Variants in CACHD1 observed in about 807,000 individuals in gnomAD.
CACHD1 encodes the protein cache domain containing 1, also known as VWFA and cache domain-containing protein 1.
Under a neutral mutation model 138.7 loss-of-function variants are expected in CACHD1, and 71 were observed. The observed-to-expected ratio is 0.51, with a 90% CI of 0.42 to 0.62. The LOEUF is 0.62. Ranked by LOEUF, CACHD1 falls within the 20% of genes least tolerant of loss-of-function variation. The pLI is 0.00. For missense variants in CACHD1, 1,389 were observed against 1,625.3 expected, an observed-to-expected ratio of 0.85 and a Z score of 2.50; for synonymous variants, 578 against 591.5, an observed-to-expected ratio of 0.98 and a Z score of 0.33.
rs572660706 is a variant in CACHD1, at chr1:64,553,013, C to A, written c.261+2357C>A. 2.6e-5 allele frequency among the ~76,000 whole-genome samples: 4 copies of A among 151,912 alleles called. No homozygotes were observed. The South Asian group carries it at 8.3e-4, about 32-fold the overall frequency. Reference sequence around the variant, plus strand: ...CTCCACTCCATCCTCTGGAAGAACACTTAACAAATAGATCTGTGTCTGTTG... The same window carrying A: ...CTCCACTCCATCCTCTGGAAGAACAATTAACAAATAGATCTGTGTCTGTTG... On this transcript the variant is annotated intron_variant, in intron 2 of 26. Transcript: ENST00000651257.
chr1:64,608,614 C>T (rs1019258593), intron 4 of CACHD1, among the ~76,000 whole-genome samples: 3 of 152,218 alleles, frequency 2.0e-5, no homozygotes, highest in Non-Finnish European at 4.4e-5. Context: ...TTAAAACCAC[C>T]CCAGCCAGAT....
At chr1:64,475,997 GC>G (rs1045335121) in intron 1 of CACHD1, among the ~76,000 whole-genome samples, 4 of 152,196 alleles carry the variant, frequency 2.6e-5, no homozygotes, top group African/African-American at 9.7e-5. Flanking sequence ...TATTATGGGA[GC>G]ATAGAGGAGC....
At chr1:64,510,754 G>A (rs1441105610) in intron 1 of CACHD1, among the ~76,000 whole-genome samples, 2 of 152,118 alleles carry the variant, frequency 1.3e-5, no homozygotes, top group Admixed American at 6.5e-5. Flanking sequence ...TGGGTCACTG[G>A]GACAAAGATT....
At chr1:64,650,747 T>A (rs549775275) in intron 9 of CACHD1, among the ~76,000 whole-genome samples, 1 of 152,340 alleles carries the variant, frequency 6.6e-6, no homozygotes, top group South Asian at 2.1e-4. Flanking sequence ...TGGGGGTTTC[T>A]AGAAGAATGG....
At position 64,634,037 on chromosome 1, in the gene CACHD1, C is replaced by A; in HGVS notation, c.790-7C>A. On this transcript the variant is annotated splice_polypyrimidine_tract_variant and splice_region_variant and intron_variant, in intron 6 of 26. Coordinates refer to ENST00000651257, the MANE Select transcript of CACHD1 (RefSeq NM_020925.4). ...TTGGTGGTTTTTTTTTTTTTTCTTT[C>A]CTGCAGATTTCTGTGTTAACTGTGG... The A allele has an allele frequency of 7.2e-7, 1 of 1,387,482 alleles. No individual in the cohort carries two copies. 85.9% of individuals were successfully genotyped at this position (1,387,482 alleles called of 1,614,324 possible).
At chr1:64,605,968 G>T (rs373541585) in intron 4 of CACHD1, among the ~76,000 whole-genome samples, 9 of 152,168 alleles carry the variant, frequency 5.9e-5, no homozygotes, top group Non-Finnish European at 1.0e-4. Flanking sequence ...GGCCTCTCTA[G>T]TATATGGCCA....
Position 64,632,719 on chromosome 1 carries a change from C to T in CACHD1, c.765C>T (p.Leu255=). The T allele has an allele frequency of 1.9e-6, 3 of 1,614,162 alleles. No individual in the cohort carries two copies. Among genetic ancestry groups the T allele is most frequent in the Non-Finnish European group, 2.5e-6 (3 of 1,179,996 alleles). The change falls in exon 6 of 27, where the codon CTC becomes CTT. Residue 255 remains leucine, a synonymous_variant. Coordinates refer to ENST00000651257, the MANE Select transcript of CACHD1 (RefSeq NM_020925.4). ...CCAAGGACGCTGCTCAGGTCATCCTCAGCGCCATCGATGAACATGACAAGG... is the reference window on the plus strand; with the variant it reads ...CCAAGGACGCTGCTCAGGTCATCCTTAGCGCCATCGATGAACATGACAAGG... ...QIAKDAAQVI[L]SAIDEHDKIS...
intron 1 of CACHD1, chr1:64,505,977 A>G (rs1646372709): frequency 1.3e-5 from 2 of 150,716 alleles, no homozygotes; most frequent in Admixed American, 1.3e-4. Flanking sequence ...TGCCCTGCAA[A>G]CCCCGGGTCG....
intron 26 of CACHD1, among the ~76,000 whole-genome samples, chr1:64,682,852 C>G (rs1650237773): frequency 6.6e-6 from 1 of 151,624 alleles, no homozygotes; most frequent in Non-Finnish European, 1.5e-5. Context: ...CACAGTTCCA[C>G]AAAAATATAA....
At chr1:64,503,603 G>C (rs923315857) in intron 1 of CACHD1, among the ~76,000 whole-genome samples, 1 of 152,136 alleles carries the variant, frequency 6.6e-6, no homozygotes, top group Non-Finnish European at 1.5e-5. Flanking sequence ...GAAGAGTTTT[G>C]TTAGAAGGAT....
chr1:64,470,591 C>A lies in CACHD1; in HGVS notation c.-154C>A, dbSNP rs1470135341. ...CTCCCGCGCTGTAGCCGGGCGCCCCCTAAGTTTGGGAGCCTTCGCCACCGC... is the reference window on the plus strand; with the variant it reads ...CTCCCGCGCTGTAGCCGGGCGCCCCATAAGTTTGGGAGCCTTCGCCACCGC... On this transcript the variant is annotated 5_prime_UTR_variant, in exon 1 of 27. Coordinates refer to ENST00000651257, the MANE Select transcript of CACHD1 (RefSeq NM_020925.4). The surrounding 1 kb of genome is among the most constrained non-coding windows in gnomAD (Gnocchi z 5.2). Among the ~76,000 whole-genome samples the A allele has an allele frequency of 2.0e-5, 3 of 151,900 alleles. No individual in the cohort carries two copies. The highest frequency in any genetic ancestry group is 7.2e-5 in the African/African-American group (3 of 41,410).
intron 1 of CACHD1, among the ~76,000 whole-genome samples, chr1:64,501,484 C>T (rs534274016): frequency 1.1e-4 from 16 of 152,320 alleles, no homozygotes; most frequent in South Asian, 1.0e-3. Context: ...CCTCTTTGAA[C>T]TGATTTATGC....
intron 1 of CACHD1, among the ~76,000 whole-genome samples, chr1:64,512,506 A>T (rs1646429360): frequency 6.6e-6 from 1 of 151,626 alleles, no homozygotes; most frequent in East Asian, 1.9e-4. Flanking sequence ...CTTTACTTTG[A>T]ATGGAGAGAG....
intron 13 of CACHD1, among the ~76,000 whole-genome samples, chr1:64,659,170 AAGT>A (rs1216743669): frequency 6.6e-6 from 1 of 152,164 alleles, no homozygotes; most frequent in Non-Finnish European, 1.5e-5. Flanking sequence ...ATGTTGAGTG[AAGT>A]TTTAAGTTCA....
intron 3 of CACHD1, among the ~76,000 whole-genome samples, chr1:64,586,841 A>G (rs1570393174): frequency 6.6e-6 from 1 of 152,210 alleles, no homozygotes; most frequent in East Asian, 1.9e-4. Flanking sequence ...TTTGAAAGTG[A>G]TAGACATGTA....
intron 1 of CACHD1, among the ~76,000 whole-genome samples, chr1:64,507,524 A>G (rs965614056): frequency 1.2e-4 from 19 of 152,208 alleles, no homozygotes; most frequent in African/African-American, 4.6e-4. Context: ...AACATCTTGC[A>G]TAGGTAGAGG....
rs987644550 is a variant in CACHD1, at chr1:64,664,467, G to A, written c.2095-31G>A. On this transcript the variant is annotated intron_variant, in intron 14 of 26. Coordinates refer to ENST00000651257, the MANE Select transcript of CACHD1 (RefSeq NM_020925.4). ...CTCTCTTTTCATGTGAGTTTTAAAGGATCCCTGCTATGTCTTCCTTTGTTT... is the reference window on the plus strand; with the variant it reads ...CTCTCTTTTCATGTGAGTTTTAAAGAATCCCTGCTATGTCTTCCTTTGTTT... 4 of 1,605,926 alleles carry A rather than the reference G, an allele frequency of 2.5e-6. No homozygotes were observed. The African/African-American group carries it at 4.0e-5, about 16-fold the overall frequency.
At chr1:64,670,119 CT>C (rs1441523725) in intron 16 of CACHD1, among the ~76,000 whole-genome samples, 1 of 152,140 alleles carries the variant, frequency 6.6e-6, no homozygotes, top group Non-Finnish European at 1.5e-5. Flanking sequence ...ATGGTATATG[CT>C]TTGGAGTTGA....
At chr1:64,499,800 TAAAG>T (rs1227999219) in intron 1 of CACHD1, among the ~76,000 whole-genome samples, 1 of 152,232 alleles carries the variant, frequency 6.6e-6, no homozygotes, top group Admixed American at 6.5e-5. Flanking sequence ...TGATTAATAA[TAAAG>T]AAGCACATAT....
Sources: gnomAD v4.1 joint callset for allele counts (sites outside exome capture counted in the v4.1 genomes callset) on GRCh38, gnomAD v4.1.1 for gene constraint, Gnocchi (gnomAD v3.1) non-coding constraint, MANE v1.5 for transcripts, NCBI Gene and HGNC (gene_info 2026-07-23, HGNC 2026-07-21) for gene names.